Variants in ROR1 observed in about 807,000 individuals in gnomAD.
ROR1 encodes inactive tyrosine-protein kinase transmembrane receptor ROR1.
In ROR1, 19 loss-of-function variants were observed where a neutral mutation model predicts 78.8. The observed-to-expected ratio is 0.24, with a 90% CI of 0.17 to 0.35. ROR1 has a LOEUF of 0.35. ROR1 is among the 10% of genes least tolerant of loss of function. The probability of loss-of-function intolerance (pLI) is 1.00; values close to 1 mark genes in which losing one functional copy is unlikely to be tolerated. For synonymous variants in ROR1, 386 were observed against 433.6 expected (o/e 0.89, Z 1.36); for missense variants, 917 against 1,177.8 (o/e 0.78, Z 3.24).
chr1:64,118,048 C>T (rs1648379373), intron 4 of ROR1, among the ~76,000 whole-genome samples: 1 of 151,832 alleles, frequency 6.6e-6, no homozygotes, highest in Admixed American at 6.6e-5. Flanking sequence ...AGAAAAAACA[C>T]ACAAAAATTG....
chr1:64,150,048 A>G (rs1297217333), intron 7 of ROR1, among the ~76,000 whole-genome samples: 2 of 152,176 alleles, frequency 1.3e-5, no homozygotes, highest in Non-Finnish European at 2.9e-5. Context: ...GGAAGGCAGA[A>G]TCTCAATCGT....
intron 1 of ROR1, among the ~76,000 whole-genome samples, chr1:63,796,520 T>G (rs1275195560): frequency 6.6e-6 from 1 of 152,218 alleles, no homozygotes; most frequent in Non-Finnish European, 1.5e-5. Flanking sequence ...TATTTTGTGT[T>G]TTTTTCCAAA....
intron 1 of ROR1, among the ~76,000 whole-genome samples, chr1:63,968,498 G>A (rs568489048): frequency 1.6e-4 from 24 of 151,278 alleles, no homozygotes; most frequent in South Asian, 8.4e-4. Context: ...ATTATTTTTC[G>A]TATGAGAAAA....
chr1:64,050,431 G>A lies in ROR1; in HGVS notation c.452-255G>A, dbSNP rs370551399. Among the ~76,000 whole-genome samples, 12 of 151,780 alleles carry A rather than the reference G, an allele frequency of 7.9e-5. No homozygotes were observed. The East Asian group carries it at 1.4e-3, about 17-fold the overall frequency. On this transcript the variant is annotated intron_variant, in intron 3 of 8. Coordinates refer to ENST00000371079, the MANE Select transcript of ROR1 (RefSeq NM_005012.4). The stretch of plus-strand genomic sequence containing the variant: ...CTGCATAGTTTGAAGATGCTTACTC[G>A]ATTAACTCTTTTTTTAGCACTTGTC...
chr1:63,980,209 A>G (rs113907497), intron 1 of ROR1, among the ~76,000 whole-genome samples: 3,841 of 152,122 alleles, frequency 0.025, 162 homozygotes, highest in African/African-American at 0.088. Context: ...TACCTTATCC[A>G]TCTAACTCAT....
At chr1:64,069,965 A>G (rs1006625542) in intron 4 of ROR1, among the ~76,000 whole-genome samples, 2 of 152,092 alleles carry the variant, frequency 1.3e-5, no homozygotes, top group Admixed American at 6.6e-5. Context: ...TATTACTCCA[A>G]AAATTCCTCC....
intron 1 of ROR1, among the ~76,000 whole-genome samples, chr1:63,955,660 C>G (rs1418852057): frequency 6.6e-6 from 1 of 152,126 alleles, no homozygotes. Flanking sequence ...GCCAAAGTTT[C>G]ATTTATCCCC....
intron 1 of ROR1, among the ~76,000 whole-genome samples, chr1:63,811,530 A>G (rs762812810): frequency 1.3e-5 from 2 of 152,120 alleles, no homozygotes; most frequent in African/African-American, 4.8e-5. Flanking sequence ...TGGGCAGCTG[A>G]TTTTAGTAGA....
intron 2 of ROR1, among the ~76,000 whole-genome samples, chr1:64,018,915 C>G (rs1205399946): frequency 6.6e-6 from 1 of 152,062 alleles, no homozygotes; most frequent in Non-Finnish European, 1.5e-5. Context: ...GACCCTATTC[C>G]CCTCCATTGT....
intron 1 of ROR1, among the ~76,000 whole-genome samples, chr1:63,981,673 C>T (rs1056636662): frequency 8.6e-5 from 13 of 152,032 alleles, no homozygotes; most frequent in Admixed American, 6.6e-5. Context: ...TTCAGCTGGT[C>T]CACATGGGTA....
chr1:64,140,323 G>A lies in ROR1; in HGVS notation c.825G>A (p.Met275Ile). ...CAAGATCAAATCCCATGATTCTGAT[G>A]AGGCTGAAACTGCCAAACTGTGAAG... Reference protein sequence around the residue: ...IFARSNPMILMRLKLPNCEDL... With the variant: ...IFARSNPMILIRLKLPNCEDL... Residue 275 changes from methionine (M) to isoleucine (I), a missense_variant, in exon 6 of 9, where the codon ATG becomes ATA. Physicochemically the swap from Met to Ile is conservative, Grantham distance 10. Transcript: ENST00000371079. 1 of 1,614,128 alleles carries A rather than the reference G, an allele frequency of 6.2e-7. No homozygotes were observed. The highest frequency in any genetic ancestry group is 2.2e-5 in the East Asian group (1 of 44,878).
intron 1 of ROR1, among the ~76,000 whole-genome samples, chr1:63,982,189 T>A (rs547143972): frequency 6.6e-6 from 1 of 152,182 alleles, no homozygotes; most frequent in African/African-American, 2.4e-5. Flanking sequence ...GTCGCCCAGC[T>A]AGAACATTGA....
intron 4 of ROR1, among the ~76,000 whole-genome samples, chr1:64,122,715 T>C (rs1648584949): frequency 1.3e-5 from 2 of 152,306 alleles, no homozygotes; most frequent in South Asian, 4.1e-4. Context: ...CCTTCAAGCA[T>C]TTGAACGATG....
intron 1 of ROR1, among the ~76,000 whole-genome samples, chr1:64,000,765 A>C (rs1477912530): frequency 6.6e-6 from 1 of 152,148 alleles, no homozygotes; most frequent in Admixed American, 6.6e-5. Context: ...CAATCTTTCA[A>C]AGGACCACCT....
chr1:63,860,064 A>T (rs1645170499), intron 1 of ROR1, among the ~76,000 whole-genome samples: 1 of 152,196 alleles, frequency 6.6e-6, no homozygotes, highest in Non-Finnish European at 1.5e-5. Flanking sequence ...CAGAGGCCAC[A>T]TTCTTCACTG....
At chr1:63,864,460 C>A (rs1645202617) in intron 1 of ROR1, among the ~76,000 whole-genome samples, 1 of 152,100 alleles carries the variant, frequency 6.6e-6, no homozygotes, top group Non-Finnish European at 1.5e-5. Context: ...GACTCATGAA[C>A]CCTTGGAAAT....
intron 4 of ROR1, among the ~76,000 whole-genome samples, chr1:64,051,689 A>T (rs1245460581): frequency 6.6e-6 from 1 of 152,152 alleles, no homozygotes; most frequent in Non-Finnish European, 1.5e-5. Context: ...CTTTAAGAGT[A>T]TCTACTTGGG....
intron 1 of ROR1, among the ~76,000 whole-genome samples, chr1:63,882,679 A>G (rs919890105): frequency 2.6e-5 from 4 of 152,218 alleles, no homozygotes; most frequent in Non-Finnish European, 4.4e-5. Flanking sequence ...GATTTTGGTT[A>G]CAAATGTCAC....
At chr1:63,856,369 C>T (rs562525147) in intron 1 of ROR1, among the ~76,000 whole-genome samples, 10 of 152,290 alleles carry the variant, frequency 6.6e-5, no homozygotes, top group South Asian at 2.1e-4. Context: ...GTGCTCTCCT[C>T]GTGGCGTGGG....
Sources: allele counts gnomAD v4.1 joint callset (sites outside exome capture counted in the v4.1 genomes callset), GRCh38; gene constraint gnomAD v4.1.1; transcripts MANE v1.5; gene names NCBI Gene and HGNC (gene_info 2026-07-23, HGNC 2026-07-21).